PKD1L1: variants seen among roughly 807,000 people sequenced by gnomAD.
The protein encoded by PKD1L1 is polycystin-1-like protein 1.
Under a neutral mutation model 323.4 loss-of-function variants are expected in PKD1L1, and 236 were observed. The observed-to-expected ratio is 0.73, with a 90% CI of 0.66 to 0.81. PKD1L1 has a LOEUF of 0.81. Ranked by LOEUF, PKD1L1 falls within the 40% of genes least tolerant of loss-of-function variation. The pLI is 0.00. For synonymous variants in PKD1L1, 1,344 were observed against 1,335.0 expected, an observed-to-expected ratio of 1.01 and a Z score of -0.15; for missense variants, 3,320 against 3,508.0, an observed-to-expected ratio of 0.95 and a Z score of 1.35.
In PKD1L1 at chr7:47,890,679, A is replaced by T. The variant is rs11975405; in HGVS notation, c.2538T>A (p.Ala846=). The part of the protein sequence containing the change: ...SSTAHQLDAA[A]PTVSFEAQWL... ...ATTGTGCCTCAAAGGAAACAGTGGG[A>T]GCCGCGGCATCCAGTTGGTGTGCAG... Residue 846 remains alanine (A), a synonymous_variant, in exon 16 of 57, where the codon GCT becomes GCA. Transcript: ENST00000289672. The T allele has an allele frequency of 0.015, 23,731 of 1,613,912 alleles. 825 individuals are homozygous for T. The highest frequency in any genetic ancestry group is 0.14 in the African/African-American group (10,561 of 74,954).
At chr7:47,855,404 A>G (rs1215802163) in intron 28 of PKD1L1, 139 bp from the exon 29 acceptor site, 13 of 555,546 alleles carry the variant, frequency 2.3e-5, no homozygotes, top group Middle Eastern at 4.7e-4. Context: ...CTAGCATACA[A>G]AAATAAACCA....
rs769333600 is a variant in PKD1L1 at position 47,940,253 on chromosome 7, C to T, written c.225G>A (p.Leu75=). 4 of 1,614,032 alleles carry T rather than the reference C, an allele frequency of 2.5e-6. No homozygotes were observed. The highest frequency in any genetic ancestry group is 3.4e-6 in the Non-Finnish European group (4 of 1,180,006). ...DGKCGCPWCA[L]NGKAEDRESQ... Reference sequence around the variant, plus strand: ...ATTCCCGGTCTTCTGCCTTTCCATTCAGAGCACACCAAGGACAGCCACACT... The same window carrying T: ...ATTCCCGGTCTTCTGCCTTTCCATTTAGAGCACACCAAGGACAGCCACACT... Residue 75 remains leucine, a synonymous_variant, in exon 3 of 57, where the codon CTG becomes CTA. Transcript: ENST00000289672.
chr7:47,820,485 G>C (rs913346929), intron 46 of PKD1L1, among the ~76,000 whole-genome samples: 1 of 152,218 alleles, frequency 6.6e-6, no homozygotes, highest in Non-Finnish European at 1.5e-5. Context: ...AGCACTTTGG[G>C]AGGCCGAGGC....
chr7:47,845,446 T>C (rs1161211198), intron 32 of PKD1L1, among the ~76,000 whole-genome samples: 1 of 152,234 alleles, frequency 6.6e-6, no homozygotes, highest in East Asian at 1.9e-4. Context: ...GGCCAACTCC[T>C]CTGCCTAAGC....
At chr7:47,933,416 G>C (rs1340044160) in intron 4 of PKD1L1, among the ~76,000 whole-genome samples, 1 of 152,140 alleles carries the variant, frequency 6.6e-6, no homozygotes, top group African/African-American at 2.4e-5. Flanking sequence ...CCAGTGTGCA[G>C]TGTGCACTTC....
At chr7:47,940,432 C>T (rs1787962232) in intron 2 of PKD1L1, 115 bp from the exon 3 acceptor site, 1 of 1,031,472 alleles carries the variant, frequency 9.7e-7, no homozygotes, top group African/African-American at 1.6e-5. Context: ...CTGGGCCTAA[C>T]AACGGGCTGA....
chr7:47,867,752 CAGAT>C (rs1327922288), intron 24 of PKD1L1, among the ~76,000 whole-genome samples: 5 of 152,006 alleles, frequency 3.3e-5, no homozygotes, highest in African/African-American at 1.2e-4. Context: ...TATCAATAAA[CAGAT>C]AGAAGCTATA....
chr7:47,862,538 G>A (rs1254579654), intron 26 of PKD1L1, among the ~76,000 whole-genome samples: 1 of 152,190 alleles, frequency 6.6e-6, no homozygotes, highest in Non-Finnish European at 1.5e-5. Context: ...CATTCCAGTG[G>A]GGGAAGAGCA....
In PKD1L1 at chr7:47,795,555, C is replaced by T. The variant is rs114135282; in HGVS notation, c.8355+434G>A. 2,271 of 348,490 alleles carry T rather than the reference C, an allele frequency of 6.5e-3. 52 individuals carry two copies. Among genetic ancestry groups the T allele is most frequent in the African/African-American group, 0.045 (2,094 of 46,064 alleles). The allele number at this position is 348,490 out of a possible 1,614,324, so 21.6% of individuals were successfully genotyped here. A position where few individuals can be genotyped will look rare whatever the true frequency, so the allele number is the denominator to read the frequency against. On this transcript the variant is annotated intron_variant, in intron 55 of 56. Coordinates refer to ENST00000289672, the MANE Select transcript of PKD1L1 (RefSeq NM_138295.5). ...AGAAAGTGAGTATTCAGTGTGCAAA[C>T]GCCTGGTTTGATTTGTTTACATGCA...
intron 2 of PKD1L1, among the ~76,000 whole-genome samples, chr7:47,941,325 C>G (rs574584100): frequency 1.3e-5 from 2 of 152,336 alleles, no homozygotes; most frequent in South Asian, 2.1e-4. Context: ...TGCAGGCCGC[C>G]GAGAGCAGCA....
intron 17 of PKD1L1, among the ~76,000 whole-genome samples, chr7:47,886,507 C>G (rs1002874985): frequency 6.6e-6 from 1 of 152,106 alleles, no homozygotes; most frequent in African/African-American, 2.4e-5. Context: ...GGAGGGGGAG[C>G]CTGGTGGGAG....
At chr7:47,851,247 T>C (rs757374793) in intron 31 of PKD1L1, among the ~76,000 whole-genome samples, 2 of 152,092 alleles carry the variant, frequency 1.3e-5, no homozygotes, top group Non-Finnish European at 2.9e-5. Flanking sequence ...AAACACAGGA[T>C]AAGCCAGGAC....
At chr7:47,799,482 T>C (rs1784614188) in intron 54 of PKD1L1, among the ~76,000 whole-genome samples, 1 of 152,170 alleles carries the variant, frequency 6.6e-6, no homozygotes, top group Non-Finnish European at 1.5e-5. Context: ...GGCTCTACAA[T>C]GTGTCAGGAA....
chr7:47,778,830 A>C (rs994567920), intron 56 of PKD1L1, among the ~76,000 whole-genome samples: 2 of 152,198 alleles, frequency 1.3e-5, no homozygotes, highest in African/African-American at 4.8e-5. Flanking sequence ...CTTCCCACTG[A>C]CCTCAAAGGC....
rs775291996 is a variant in PKD1L1 at position 47,884,677 on chromosome 7, CATA to C, written c.3206-23_3206-21del. On this transcript the variant is annotated intron_variant, in intron 18 of 56. Transcript: ENST00000289672. The stretch of plus-strand genomic sequence containing the variant: ...CAAAATCTATAAGAAAGGACAAAAT[CATA>C]ATGTTTCCTTTAAAATCACAGAATC... 35 of 1,595,506 alleles carry C rather than the reference CATA, an allele frequency of 2.2e-5. No homozygotes were observed. In the African/African-American group the frequency reaches 2.3e-4, roughly 10 times the overall value.
At chr7:47,876,657 C>A (rs888254049) in intron 22 of PKD1L1, among the ~76,000 whole-genome samples, 3 of 152,118 alleles carry the variant, frequency 2.0e-5, no homozygotes, top group African/African-American at 4.8e-5. Flanking sequence ...GGGCTTCCTA[C>A]AGAAGGGGTC....
chr7:47,817,358 CTA>C (rs1412959178), intron 46 of PKD1L1, among the ~76,000 whole-genome samples: 1 of 152,156 alleles, frequency 6.6e-6, no homozygotes, highest in Non-Finnish European at 1.5e-5. Context: ...ACCACAAAGA[CTA>C]TGTTTACAGG....
intron 47 of PKD1L1, 115 bp downstream of exon 47, chr7:47,815,219 G>T: frequency 1.4e-6 from 2 of 1,387,612 alleles, no homozygotes; most frequent in Non-Finnish European, 1.9e-6. Flanking sequence ...CCTTACACCT[G>T]CATGGTCATT....
At position 47,905,862 on chromosome 7, in the gene PKD1L1, A is replaced by G; in HGVS notation, c.1503T>C (p.Thr501=). The G allele has an allele frequency of 6.2e-7, 1 of 1,612,902 alleles. No homozygotes were observed. The highest frequency in any genetic ancestry group is 1.1e-5 in the South Asian group (1 of 90,804). Residue 501 remains threonine, a synonymous_variant, in exon 10 of 57, where the codon ACT becomes ACC. Transcript: ENST00000289672. Reference sequence around the variant, plus strand: ...ACATACATTGCATCTTATACCAGACAGTCATGCTGTGCCAAGCCTGGCTGT... The same window carrying G: ...ACATACATTGCATCTTATACCAGACGGTCATGCTGTGCCAAGCCTGGCTGT... ...VGDSQAWHSM[T]VWYKMQSVSV...
Sources: gnomAD v4.1 joint callset for allele counts (sites outside exome capture counted in the v4.1 genomes callset) on GRCh38, gnomAD v4.1.1 for gene constraint, MANE v1.5 for transcripts, NCBI Gene and HGNC (gene_info 2026-07-23, HGNC 2026-07-21) for gene names.